The following TNS3 variants were observed in gnomAD, a reference collection of about 807,000 sequenced individuals.
TNS3 encodes tensin-3.
Under a neutral mutation model 140.9 loss-of-function variants are expected in TNS3, and 45 were observed. That is an observed-to-expected ratio of 0.32 (90% CI 0.25 to 0.41). The LOEUF (loss-of-function observed/expected upper bound fraction) is 0.41, where lower values mean the gene tolerates loss of function less well. Among genes scored for constraint, TNS3 ranks in the 10% least tolerant of loss-of-function variants. The pLI, the probability that TNS3 is intolerant of heterozygous loss-of-function variation, is 1.00. For missense variants in TNS3, 1,716 were observed against 1,906.7 expected (o/e 0.90, Z 1.86); for synonymous variants, 815 against 788.4 (o/e 1.03, Z -0.56).
intron 3 of TNS3, among the ~76,000 whole-genome samples, chr7:47,487,387 C>T (rs1797651710): frequency 6.6e-6 from 1 of 152,140 alleles, no homozygotes; most frequent in Non-Finnish European, 1.5e-5. Flanking sequence ...GGAGGCTTGG[C>T]TCCTCTAATC....
rs537405457 is a variant in TNS3 at position 47,532,278 on chromosome 7, C to A, written c.-264-3131G>T. Among the ~76,000 whole-genome samples the A allele has an allele frequency of 8.5e-5, 13 of 152,232 alleles. No individual in the cohort carries two copies. The East Asian group carries it at 2.5e-3, about 29-fold the overall frequency. ...CCAGGGAGGGCCTGTAGGCTGGGGA[C>A]GGGCTGCCAGTCCCACAGACTGGAG... is the stretch of plus-strand genomic sequence containing the variant. On this transcript the variant is annotated intron_variant, in intron 1 of 30. Transcript: ENST00000311160.
intron 4 of TNS3, among the ~76,000 whole-genome samples, chr7:47,463,243 G>A (rs1363657820): frequency 6.6e-5 from 10 of 152,094 alleles, no homozygotes; most frequent in East Asian, 1.9e-4. Context: ...TCAGGAGTTC[G>A]AGACCAGCCT....
chr7:47,436,818 T>A (rs1224789408), intron 7 of TNS3, among the ~76,000 whole-genome samples: 1 of 152,158 alleles, frequency 6.6e-6, no homozygotes, highest in Non-Finnish European at 1.5e-5. Context: ...ATATATGCAG[T>A]ATATATGAAA....
At chr7:47,337,159 T>C (rs1328322972) in intron 20 of TNS3, among the ~76,000 whole-genome samples, 1 of 152,250 alleles carries the variant, frequency 6.6e-6, no homozygotes, top group African/African-American at 2.4e-5. Flanking sequence ...TTAATGACTT[T>C]CCATCCACCA....
intron 1 of TNS3, among the ~76,000 whole-genome samples, chr7:47,548,514 T>G (rs527455555): frequency 6.6e-6 from 1 of 152,270 alleles, no homozygotes; most frequent in African/African-American, 2.4e-5. Context: ...GTCCCTCATT[T>G]TATTCCAATC....
intron 17 of TNS3, among the ~76,000 whole-genome samples, chr7:47,360,722 C>T (rs1248856782): frequency 6.6e-6 from 1 of 152,166 alleles, no homozygotes; most frequent in African/African-American, 2.4e-5. Flanking sequence ...TGGAGGGCTC[C>T]AGGAGTGTCT....
chr7:47,284,725 A>G (rs376129216), intron 27 of TNS3, among the ~76,000 whole-genome samples: 109 of 152,344 alleles, frequency 7.2e-4, no homozygotes, highest in Middle Eastern at 6.8e-3. Flanking sequence ...TGTCTACTGT[A>G]TACATGTCCC....
rs1554300883 is a variant in TNS3 at position 47,361,218 on chromosome 7, A to AAAAAAC, written c.2281+7146_2281+7147insGTTTTT. 1.8e-4 allele frequency among the ~76,000 whole-genome samples: 26 copies of AAAAAAC among 147,728 alleles called. 1 individual carries two copies. Among genetic ancestry groups the AAAAAAC allele is most frequent in the Non-Finnish European group, 4.5e-5 (3 of 66,314 alleles). Reference sequence around the variant, plus strand: ...ACAGTAACCATGCCAAAAAAAAAAAAAAAAAACAAGCAAGGGCCCAGCCCA... The same window carrying AAAAAAC: ...ACAGTAACCATGCCAAAAAAAAAAAAAAAAACAAAAAACAAGCAAGGGCCCAGCCCA... On this transcript the variant is annotated intron_variant, in intron 17 of 30. Coordinates refer to ENST00000311160, the MANE Select transcript of TNS3 (RefSeq NM_022748.12).
intron 17 of TNS3, among the ~76,000 whole-genome samples, chr7:47,347,983 G>A (rs1789445884): frequency 6.6e-6 from 1 of 152,114 alleles, no homozygotes; most frequent in Non-Finnish European, 1.5e-5. Flanking sequence ...TCATCCCCAT[G>A]GTGCAGTGGT....
chr7:47,338,702 A>G (rs1186191487), intron 20 of TNS3, among the ~76,000 whole-genome samples: 2 of 152,164 alleles, frequency 1.3e-5, no homozygotes, highest in African/African-American at 4.8e-5. Flanking sequence ...GAGTACTTCG[A>G]TGGTGTATAT....
At chr7:47,433,640 C>A (rs1429622434) in intron 8 of TNS3, among the ~76,000 whole-genome samples, 1 of 152,206 alleles carries the variant, frequency 6.6e-6, no homozygotes, top group Non-Finnish European at 1.5e-5. Context: ...CTCCAAGAGA[C>A]TTCTGACAAT....
At chr7:47,292,298 C>T (rs141637241) in intron 26 of TNS3, among the ~76,000 whole-genome samples, 245 of 152,270 alleles carry the variant, frequency 1.6e-3, no homozygotes, top group Non-Finnish European at 2.9e-3. Flanking sequence ...AAAAGTAAAT[C>T]ACATTTACCT....
At chr7:47,307,614 T>C (rs1319005989) in intron 20 of TNS3, among the ~76,000 whole-genome samples, 14 of 152,252 alleles carry the variant, frequency 9.2e-5, no homozygotes, top group Admixed American at 5.9e-4. Context: ...CTTGGTATGG[T>C]TGGCATTTCG....
chr7:47,368,647 G>A lies in TNS3; in HGVS notation c.1999C>T (p.Pro667Ser). The change falls in exon 17 of 31, where the codon CCC becomes TCC. Residue 667 changes from proline to serine, a missense_variant. Physicochemically the swap from Pro to Ser is moderately conservative, Grantham distance 74. Coordinates refer to ENST00000311160, the MANE Select transcript of TNS3 (RefSeq NM_022748.12). ...QQPSPSKAFK[P>S]RFPGDQVVNG... ...ACAACCTGGTCTCCTGGAAACCTGG[G>A]TTTGAACGCTTTGCTGGGAGAGGGC... The A allele has an allele frequency of 6.2e-7, 1 of 1,601,874 alleles. No homozygotes were observed. Among genetic ancestry groups the A allele is most frequent in the South Asian group, 1.1e-5 (1 of 88,404 alleles).
chr7:47,283,363 T>C (rs1271998895), intron 28 of TNS3, among the ~76,000 whole-genome samples: 1 of 152,258 alleles, frequency 6.6e-6, no homozygotes, highest in Non-Finnish European at 1.5e-5. Context: ...ACTCTGATCA[T>C]AGTATCAGAG....
chr7:47,378,829 A>C (rs775536433), intron 16 of TNS3, among the ~76,000 whole-genome samples: 5 of 152,188 alleles, frequency 3.3e-5, no homozygotes, highest in Non-Finnish European at 7.3e-5. Flanking sequence ...TCCCCTCAGC[A>C]GTGAGAGAAC....
chr7:47,276,085 G>A lies in TNS3; in HGVS notation c.*1991C>T, dbSNP rs1457581000. 9 of 287,972 alleles carry A rather than the reference G, an allele frequency of 3.1e-5. No individual in the cohort carries two copies. The highest frequency in any genetic ancestry group is 6.2e-5 in the Non-Finnish European group (9 of 145,288). 17.8% of individuals were successfully genotyped at this position (287,972 alleles called of 1,614,324 possible). A position where few individuals can be genotyped will look rare whatever the true frequency, so the allele number is the denominator to read the frequency against. ...TGCTCCCTGTGGCCACATTCCTGCAGTGGATGAAAAACCGAGATGCTAGAG... is the reference window on the plus strand; with the variant it reads ...TGCTCCCTGTGGCCACATTCCTGCAATGGATGAAAAACCGAGATGCTAGAG... On this transcript the variant is annotated 3_prime_UTR_variant, in exon 31 of 31. Transcript: ENST00000311160.
intron 13 of TNS3, among the ~76,000 whole-genome samples, chr7:47,406,602 T>C (rs1302086175): frequency 2.0e-5 from 3 of 152,196 alleles, no homozygotes; most frequent in Admixed American, 6.5e-5. Flanking sequence ...GAAGCCACTT[T>C]CCGCCTTCAA....
intron 13 of TNS3, chr7:47,405,582 A>G (rs558756889): frequency 1.4e-6 from 1 of 703,004 alleles, no homozygotes; most frequent in African/African-American, 1.7e-5. Context: ...AAAGGTGGGT[A>G]AATATTGGCT....
Sources: gnomAD v4.1 joint callset for allele counts (sites outside exome capture counted in the v4.1 genomes callset) on GRCh38, gnomAD v4.1.1 for gene constraint, MANE v1.5 for transcripts, NCBI Gene and HGNC (gene_info 2026-07-23, HGNC 2026-07-21) for gene names.